The following PTPRO variants were observed in gnomAD, a reference collection of about 807,000 sequenced individuals.
PTPRO encodes the protein receptor-type tyrosine-protein phosphatase O.
A neutral mutation model predicts 145.2 loss-of-function variants in PTPRO; 62 were observed. The ratio of observed to expected loss-of-function variants is 0.43; its 90% CI spans 0.35 to 0.53. The LOEUF (loss-of-function observed/expected upper bound fraction) is 0.53, where lower values mean the gene tolerates loss of function less well. PTPRO is among the 20% of genes least tolerant of loss of function. The probability of loss-of-function intolerance (pLI) is 0.01; values close to 1 mark genes in which losing one functional copy is unlikely to be tolerated. For synonymous variants in PTPRO, 565 were observed against 514.7 expected, an observed-to-expected ratio of 1.10 and a Z score of -1.32; for missense variants, 1,345 against 1,482.7, an observed-to-expected ratio of 0.91 and a Z score of 1.53.
intron 1 of PTPRO, among the ~76,000 whole-genome samples, chr12:15,442,902 G>A (rs1034166889): frequency 6.6e-6 from 1 of 152,100 alleles, no homozygotes; most frequent in Non-Finnish European, 1.5e-5. Flanking sequence ...GCTGCCCAAA[G>A]CAATCTACAC....
At chr12:15,496,796 G>A (rs1942116757) in intron 2 of PTPRO, among the ~76,000 whole-genome samples, 1 of 152,124 alleles carries the variant, frequency 6.6e-6, no homozygotes, top group African/African-American at 2.4e-5. Flanking sequence ...TCATTGGTCT[G>A]AGCCAAAATT....
chr12:15,447,724 G>T (rs1458975977), intron 1 of PTPRO, among the ~76,000 whole-genome samples: 4 of 149,712 alleles, frequency 2.7e-5, no homozygotes, highest in Non-Finnish European at 5.9e-5. Flanking sequence ...AGCCAAATTT[G>T]CCATCGATGT....
At chr12:15,380,969 A>T (rs1417734135) in intron 1 of PTPRO, among the ~76,000 whole-genome samples, 1 of 152,176 alleles carries the variant, frequency 6.6e-6, no homozygotes, top group Non-Finnish European at 1.5e-5. Flanking sequence ...GAATATAATC[A>T]CTGAAAGACT....
intron 2 of PTPRO, among the ~76,000 whole-genome samples, chr12:15,491,553 A>G (rs975653330): frequency 6.6e-6 from 1 of 152,214 alleles, no homozygotes; most frequent in Non-Finnish European, 1.5e-5. Flanking sequence ...ATGAGTTTTC[A>G]TTATATGAGA....
At chr12:15,377,820 C>T (rs991000874) in intron 1 of PTPRO, among the ~76,000 whole-genome samples, 8 of 151,878 alleles carry the variant, frequency 5.3e-5, no homozygotes, top group African/African-American at 1.5e-4. Flanking sequence ...AAAATAAAAT[C>T]GGAAACCAAT....
At chr12:15,435,721 G>A (rs999673625) in intron 1 of PTPRO, among the ~76,000 whole-genome samples, 1 of 152,014 alleles carries the variant, frequency 6.6e-6, no homozygotes, top group African/African-American at 2.4e-5. Flanking sequence ...GTATTCCAAG[G>A]TTAGATGAAA....
chr12:15,520,297 A>G lies in PTPRO; in HGVS notation c.1876A>G (p.Ile626Val). 1 of 1,611,408 alleles carries G rather than the reference A, an allele frequency of 6.2e-7. No homozygotes were observed. The highest frequency in any genetic ancestry group is 8.5e-7 in the Non-Finnish European group (1 of 1,177,738). The change falls in exon 10 of 27, where the codon ATC (isoleucine) becomes GTC (valine). Residue 626 changes from isoleucine (I) to valine (V), a missense_variant. This residue lies in a region of PTPRO where 1,130 missense variants were observed against 1,214.7 expected (regional missense o/e 0.93). Coordinates refer to ENST00000281171, the MANE Select transcript of PTPRO (RefSeq NM_030667.3). ...ATTGAGCTGCTGTGACAGCTCTACC[A>G]TCAGCTTCATAACAGGTGAGGCATG... is the stretch of plus-strand genomic sequence containing the variant. ...PELSCCDSST[I>V]SFITAPVAPE...
At position 15,516,748 on chromosome 12, in the gene PTPRO, C is replaced by T. The variant is rs780378235; in HGVS notation, c.1586-15C>T. 1.8e-5 allele frequency: 28 copies of T among 1,584,852 alleles called. 1 individual carries two copies. Among genetic ancestry groups the T allele is most frequent in the Non-Finnish European group, 2.1e-5 (24 of 1,153,608 alleles). On this transcript the variant is annotated splice_polypyrimidine_tract_variant and intron_variant, in intron 8 of 26. Transcript: ENST00000281171. ...CTTAACTTTCTTTTTCTACCCCCTG[C>T]CCTCTTCTTTCTAGTTCCCACAGGA...
chr12:15,415,424 G>T (rs563116114), intron 1 of PTPRO, among the ~76,000 whole-genome samples: 7 of 146,806 alleles, frequency 4.8e-5, no homozygotes, highest in South Asian at 4.3e-4. Flanking sequence ...TCGCTCTGTC[G>T]CCCAGGCTGG....
chr12:15,444,953 C>T (rs573371944), intron 1 of PTPRO, among the ~76,000 whole-genome samples: 73 of 152,204 alleles, frequency 4.8e-4, no homozygotes, highest in African/African-American at 1.7e-3. Flanking sequence ...AAAATTAGGA[C>T]TTTTTGTCTC....
chr12:15,416,358 C>T (rs61908005), intron 1 of PTPRO, among the ~76,000 whole-genome samples: 11,680 of 147,184 alleles, frequency 0.079, 614 homozygotes, highest in African/African-American at 0.09. Flanking sequence ...CTCGCTCTGT[C>T]GCCCAGGCTG....
At chr12:15,551,759 T>C (rs1943467374) in intron 15 of PTPRO, 88 bp downstream of exon 15, 1 of 1,400,470 alleles carries the variant, frequency 7.1e-7, no homozygotes. Flanking sequence ...ACCTAAGTTG[T>C]ATAGCGGTAT....
intron 12 of PTPRO, 77 bp downstream of exon 12, chr12:15,526,339 T>A (rs1412833510): frequency 6.4e-7 from 1 of 1,570,888 alleles, no homozygotes; most frequent in Non-Finnish European, 8.7e-7. Context: ...AGCTCCTCAA[T>A]TCAATGAAAT....
intron 7 of PTPRO, among the ~76,000 whole-genome samples, chr12:15,511,786 G>A (rs1215546249): frequency 4.6e-5 from 7 of 152,066 alleles, no homozygotes; most frequent in Non-Finnish European, 1.0e-4. Context: ...GGATGATCTC[G>A]ATCTCTTGAC....
At chr12:15,439,876 C>A in intron 1 of PTPRO, 1 of 643,532 alleles carries the variant, frequency 1.6e-6, no homozygotes, top group South Asian at 1.7e-5. Flanking sequence ...AGACCCACGT[C>A]GGCCAGCACA....
At chr12:15,448,355 A>AAAAAAAAAAAAAAAAC (rs1940959851) in intron 1 of PTPRO, among the ~76,000 whole-genome samples, 2 of 149,046 alleles carry the variant, frequency 1.3e-5, no homozygotes, top group Non-Finnish European at 3.0e-5. Flanking sequence ...AAAAAAAAAA[A>AAAAAAAAAAAAAAAAC]AAAAAGCACC....
chr12:15,570,811 C>A (rs34408734), intron 19 of PTPRO, among the ~76,000 whole-genome samples: 3,823 of 152,136 alleles, frequency 0.025, 88 homozygotes, highest in Middle Eastern at 0.037. Context: ...TTATTAAAGC[C>A]ACATTTTCTT....
chr12:15,479,581 A>C (rs1941734602), intron 1 of PTPRO, among the ~76,000 whole-genome samples: 1 of 152,226 alleles, frequency 6.6e-6, no homozygotes, highest in African/African-American at 2.4e-5. Flanking sequence ...GGCAAAGCCC[A>C]TCTCATCTCT....
intron 1 of PTPRO, among the ~76,000 whole-genome samples, chr12:15,472,071 A>G (rs562435132): frequency 7.9e-5 from 12 of 152,302 alleles, no homozygotes; most frequent in African/African-American, 2.6e-4. Context: ...TAATATTACT[A>G]TTTAAAAGAA....
Sources: gnomAD v4.1 joint callset for allele counts (sites outside exome capture counted in the v4.1 genomes callset) on GRCh38, gnomAD v4.1.1 for gene constraint, gnomAD v4.1.1 regional missense constraint, MANE v1.5 for transcripts, NCBI Gene and HGNC (gene_info 2026-07-23, HGNC 2026-07-21) for gene names.